The following IL1RAPL1 variants were observed in gnomAD, a reference collection of about 807,000 sequenced individuals.
IL1RAPL1 encodes the protein interleukin 1 receptor accessory protein like 1, also known as interleukin-1 receptor accessory protein-like 1.
In IL1RAPL1, 3 loss-of-function variants were observed where a neutral mutation model predicts 48.4. The ratio of observed to expected loss-of-function variants is 0.06; its 90% CI spans 0.03 to 0.16. The LOEUF (loss-of-function observed/expected upper bound fraction) is 0.16. Ranked by LOEUF, IL1RAPL1 falls within the 10% of genes least tolerant of loss-of-function variation. IL1RAPL1 has a pLI of 1.00. For missense variants in IL1RAPL1, 349 were observed against 530.6 expected, an observed-to-expected ratio of 0.66 and a Z score of 3.36; for synonymous variants, 185 against 187.7, an observed-to-expected ratio of 0.99 and a Z score of 0.12.
intron 2 of IL1RAPL1, among the ~76,000 whole-genome samples, chrX:29,207,007 T>TC (rs1327197043): frequency 9.0e-6 from 1 of 111,657 alleles, no homozygotes; most frequent in Non-Finnish European, 1.9e-5. Context: ...TCACATGCCT[T>TC]CCAGTCCTCA....
chrX:28,959,609 G>A, intron 2 of IL1RAPL1, among the ~76,000 whole-genome samples: 1 of 111,588 alleles, frequency 9.0e-6, no homozygotes, highest in East Asian at 2.8e-4. Context: ...TTTCTCTTAT[G>A]TAGAATTCAG....
chrX:29,075,528 T>G (rs1034805528), intron 2 of IL1RAPL1, among the ~76,000 whole-genome samples: 67 of 111,855 alleles, frequency 6.0e-4, no homozygotes, highest in African/African-American at 2.1e-3. Flanking sequence ...TAAACTAAAC[T>G]GAAGATTTTG....
intron 5 of IL1RAPL1, among the ~76,000 whole-genome samples, chrX:29,448,403 G>T (rs1934636400): frequency 8.9e-6 from 1 of 111,932 alleles, no homozygotes; most frequent in Non-Finnish European, 1.9e-5. Context: ...TACAGAGATT[G>T]AGTATAGTAG....
chrX:28,740,349 A>G (rs1287092543), intron 1 of IL1RAPL1, among the ~76,000 whole-genome samples: 2 of 112,120 alleles, frequency 1.8e-5, no homozygotes, highest in African/African-American at 6.5e-5. Flanking sequence ...TAGAATTAGC[A>G]GAAGGATTGG....
intron 5 of IL1RAPL1, among the ~76,000 whole-genome samples, chrX:29,581,058 C>T (rs1405247878): frequency 8.9e-6 from 1 of 112,003 alleles, no homozygotes; most frequent in Non-Finnish European, 1.9e-5. Context: ...AGCAGGTCTG[C>T]AATACATCTT....
chrX:29,774,154 C>A (rs767553007), intron 6 of IL1RAPL1, among the ~76,000 whole-genome samples: 2 of 108,769 alleles, frequency 1.8e-5, no homozygotes, highest in African/African-American at 6.7e-5. Context: ...CCCTCCCCAC[C>A]CCCGCATAAA....
intron 2 of IL1RAPL1, among the ~76,000 whole-genome samples, chrX:28,858,349 C>A (rs1347560871): frequency 8.9e-6 from 1 of 111,965 alleles, no homozygotes; most frequent in Admixed American, 9.5e-5. Context: ...TAAAGAAGTT[C>A]TATGGGTAAA....
At chrX:29,153,764 C>G (rs1929512877) in intron 2 of IL1RAPL1, among the ~76,000 whole-genome samples, 1 of 112,138 alleles carries the variant, frequency 8.9e-6, no homozygotes, top group East Asian at 2.8e-4. Flanking sequence ...TTATGGAACT[C>G]TTTGTCATAG....
intron 2 of IL1RAPL1, among the ~76,000 whole-genome samples, chrX:29,270,524 A>T (rs1932024859): frequency 8.9e-6 from 1 of 112,245 alleles, no homozygotes; most frequent in African/African-American, 3.2e-5. Context: ...CCATTTGTCT[A>T]AAAGAGTATC....
At position 29,710,596 on chromosome X, in the gene IL1RAPL1, A is replaced by ATG. The variant is rs753193268; in HGVS notation, c.778+42102_778+42103dup. ...TTTATATATATACACACATACATATATGTGTGTGTGTATATATATATATAT... is the reference window on the plus strand; with the variant it reads ...TTTATATATATACACACATACATATATGTGTGTGTGTGTATATATATATATAT... On this transcript the variant is annotated intron_variant, in intron 6 of 10. Transcript: ENST00000378993. 3.3e-4 allele frequency among the ~76,000 whole-genome samples: 35 copies of ATG among 104,582 alleles called. No homozygotes were observed. The East Asian group carries it at 9.4e-3, about 28-fold the overall frequency. The allele number at this position is 104,582 out of a possible 115,157, so 90.8% of individuals were successfully genotyped here.
At chrX:29,295,786 T>A (rs1932441120) in intron 3 of IL1RAPL1, among the ~76,000 whole-genome samples, 1 of 111,230 alleles carries the variant, frequency 9.0e-6, no homozygotes, top group Non-Finnish European at 1.9e-5. Flanking sequence ...AGCTCGAAGG[T>A]GTAGACTGAA....
At chrX:28,873,234 C>T (rs1922255720) in intron 2 of IL1RAPL1, among the ~76,000 whole-genome samples, 1 of 106,775 alleles carries the variant, frequency 9.4e-6, no homozygotes, top group Non-Finnish European at 1.9e-5. Context: ...ACTCAGCCTC[C>T]CAAGTAGCTG....
chrX:28,612,199 C>T (rs1934156697), intron 1 of IL1RAPL1, among the ~76,000 whole-genome samples: 1 of 111,882 alleles, frequency 8.9e-6, no homozygotes, highest in Non-Finnish European at 1.9e-5. Context: ...CTCTGTCCTG[C>T]ACTGCGAGAG....
Position 29,262,663 on chromosome X carries a change from CA to C in IL1RAPL1, c.83-20260del, listed in dbSNP as rs768734185. 6.1e-3 allele frequency among the ~76,000 whole-genome samples: 476 copies of C among 78,082 alleles called. 1 individual carries two copies. The highest frequency in any genetic ancestry group is 0.016 in the Middle Eastern group (2 of 128). 67.8% of individuals were successfully genotyped at this position (78,082 alleles called of 115,157 possible). The stretch of plus-strand genomic sequence containing the variant: ...TGGCAACAAGAGCGAAACTCCATCT[CA>C]AAAAAAAAAAAAAAGTTGCTAATAT... On this transcript the variant is annotated intron_variant, in intron 2 of 10. Coordinates refer to ENST00000378993, the MANE Select transcript of IL1RAPL1 (RefSeq NM_014271.4).
chrX:29,755,967 A>G (rs1928602260), intron 6 of IL1RAPL1, among the ~76,000 whole-genome samples: 1 of 112,272 alleles, frequency 8.9e-6, no homozygotes, highest in South Asian at 3.7e-4. Flanking sequence ...CCACTTATTA[A>G]CTGTATGGTT....
intron 2 of IL1RAPL1, among the ~76,000 whole-genome samples, chrX:28,912,712 A>T (rs1287057533): frequency 9.0e-6 from 1 of 111,378 alleles, no homozygotes; most frequent in Non-Finnish European, 1.9e-5. Context: ...TTATTCCCAT[A>T]TCAGGTTCTA....
At chrX:29,063,694 T>A (rs1419050918) in intron 2 of IL1RAPL1, among the ~76,000 whole-genome samples, 2 of 111,612 alleles carry the variant, frequency 1.8e-5, no homozygotes, top group African/African-American at 6.5e-5. Flanking sequence ...TAATTCCTGT[T>A]GAGAGGGCAA....
chrX:29,270,051 G>A (rs772579372), intron 2 of IL1RAPL1, among the ~76,000 whole-genome samples: 71 of 111,234 alleles, frequency 6.4e-4, no homozygotes, highest in African/African-American at 2.3e-3. Context: ...TTTTCACTTG[G>A]TGTAATTATT....
At chrX:29,317,461 T>G (rs1399510624) in intron 3 of IL1RAPL1, among the ~76,000 whole-genome samples, 1 of 112,226 alleles carries the variant, frequency 8.9e-6, no homozygotes, top group Admixed American at 9.5e-5. Context: ...TTGGAAAATA[T>G]TTTTACACAT....
Sources: gnomAD v4.1 joint callset for allele counts (sites outside exome capture counted in the v4.1 genomes callset) on GRCh38, gnomAD v4.1.1 for gene constraint, MANE v1.5 for transcripts, NCBI Gene and HGNC (gene_info 2026-07-23, HGNC 2026-07-21) for gene names.